Variants in MAF observed in about 807,000 individuals in gnomAD.
MAF encodes the protein transcription factor Maf.
Under a neutral mutation model 22.0 loss-of-function variants are expected in MAF, and 10 were observed. That is an observed-to-expected ratio of 0.45 (90% CI 0.28 to 0.77). The LOEUF is 0.77. Ranked by LOEUF, MAF falls within the 30% of genes least tolerant of loss-of-function variation. The probability of loss-of-function intolerance (pLI) is 0.12; values close to 1 mark genes in which losing one functional copy is unlikely to be tolerated. For synonymous variants in MAF, 337 were observed against 255.8 expected, an observed-to-expected ratio of 1.32 and a Z score of -3.03; for missense variants, 544 against 548.4, an observed-to-expected ratio of 0.99 and a Z score of 0.08.
At chr16:79,596,005 C>T (rs1255819514) in intron 1 of MAF, 1 of 1,060,154 alleles carries the variant, frequency 9.4e-7, no homozygotes, top group Non-Finnish European at 1.1e-6. Context: ...AAGAAAATCT[C>T]GGTGTGTAAG....
chr16:79,384,451 GAA>G, the MAF span, among the ~76,000 whole-genome samples: 5 of 109,806 alleles, frequency 4.6e-5, no homozygotes, highest in South Asian at 3.5e-4. Flanking sequence ...GTCTCAAAAA[GAA>G]AAAAAAAAAA....
the MAF span, among the ~76,000 whole-genome samples, chr16:79,456,332 G>T: frequency 6.6e-6 from 1 of 152,096 alleles, no homozygotes; most frequent in Non-Finnish European, 1.5e-5. Flanking sequence ...TATGGAAAAG[G>T]CCATTTATCT....
the MAF span, among the ~76,000 whole-genome samples, chr16:79,569,274 G>T: frequency 6.6e-6 from 1 of 152,120 alleles, no homozygotes; most frequent in South Asian, 2.1e-4. Context: ...GAGGCCAGTG[G>T]CCCCCCTGCC....
At chr16:79,461,852 G>T in the MAF span, among the ~76,000 whole-genome samples, 1 of 152,050 alleles carries the variant, frequency 6.6e-6, no homozygotes, top group Non-Finnish European at 1.5e-5. Context: ...TCATGAACTG[G>T]GTGACCTATG....
the MAF span, chr16:79,202,840 A>C: frequency 2.0e-5 from 3 of 152,218 alleles, no homozygotes; most frequent in Non-Finnish European, 4.4e-5. Flanking sequence ...AGGGGAAGAG[A>C]AAGGCAGCCT....
At chr16:79,435,563 G>C in the MAF span, among the ~76,000 whole-genome samples, 2 of 152,146 alleles carry the variant, frequency 1.3e-5, no homozygotes, top group African/African-American at 2.4e-5. Flanking sequence ...GTTTTCATCT[G>C]CATTTCCCAA....
chr16:79,524,159 A>T, the MAF span, among the ~76,000 whole-genome samples: 1 of 152,152 alleles, frequency 6.6e-6, no homozygotes, highest in African/African-American at 2.4e-5. Context: ...CCTCTTTGAT[A>T]AACCCTCTGA....
chr16:79,244,129 G>T, the MAF span, among the ~76,000 whole-genome samples: 1 of 151,988 alleles, frequency 6.6e-6, no homozygotes, highest in Admixed American at 6.6e-5. Context: ...GGCAAAAACT[G>T]GAAGCATGTC....
the MAF span, among the ~76,000 whole-genome samples, chr16:79,412,173 C>G: frequency 6.6e-6 from 1 of 152,154 alleles, no homozygotes; most frequent in African/African-American, 2.4e-5. Context: ...AGAAATAAAA[C>G]ATGCAAGTAC....
chr16:79,486,448 C>T, the MAF span, among the ~76,000 whole-genome samples: 1 of 151,930 alleles, frequency 6.6e-6, no homozygotes, highest in Non-Finnish European at 1.5e-5. Flanking sequence ...GTGTTTTTCA[C>T]ATCTAAAACA....
the MAF span, among the ~76,000 whole-genome samples, chr16:79,449,795 C>T: frequency 1.2e-4 from 19 of 152,276 alleles, no homozygotes; most frequent in African/African-American, 3.4e-4. Context: ...ATGATTTACC[C>T]AGAAAGTGCA....
chr16:79,384,449 A>C, the MAF span, among the ~76,000 whole-genome samples: 1 of 110,750 alleles, frequency 9.0e-6, no homozygotes, highest in Admixed American at 8.5e-5. Flanking sequence ...CTGTCTCAAA[A>C]AGAAAAAAAA....
the MAF span, among the ~76,000 whole-genome samples, chr16:79,553,850 A>T: frequency 9.2e-5 from 14 of 152,176 alleles, no homozygotes; most frequent in Non-Finnish European, 1.5e-4. Flanking sequence ...GCACTTTGGG[A>T]GGCCGAGGCG....
the MAF span, among the ~76,000 whole-genome samples, chr16:79,353,188 C>T: frequency 1.3e-5 from 2 of 151,686 alleles, no homozygotes; most frequent in Non-Finnish European, 2.9e-5. Flanking sequence ...GCTGCGCAAT[C>T]TCAGCTCACT....
At chr16:79,444,661 G>A in the MAF span, among the ~76,000 whole-genome samples, 1 of 152,222 alleles carries the variant, frequency 6.6e-6, no homozygotes, top group Non-Finnish European at 1.5e-5. Flanking sequence ...GAGAAATGCT[G>A]AGACAGAGGC....
At chr16:79,442,855 T>A in the MAF span, among the ~76,000 whole-genome samples, 1 of 152,070 alleles carries the variant, frequency 6.6e-6, no homozygotes, top group African/African-American at 2.4e-5. Flanking sequence ...ACCCAACAGA[T>A]CTGGGGAAAT....
chr16:79,436,000 G>A, the MAF span, among the ~76,000 whole-genome samples: 2 of 152,206 alleles, frequency 1.3e-5, no homozygotes, highest in Non-Finnish European at 2.9e-5. Flanking sequence ...TGCGGTTGGA[G>A]AAGATTTCAC....
At chr16:79,205,667 A>T in the MAF span, 3 of 152,348 alleles carry the variant, frequency 2.0e-5, no homozygotes, top group East Asian at 5.8e-4. Flanking sequence ...CAAAACTCCC[A>T]AAGGTTTATG....
chr16:79,375,947 G>A, the MAF span, among the ~76,000 whole-genome samples: 3 of 152,170 alleles, frequency 2.0e-5, no homozygotes, highest in Non-Finnish European at 4.4e-5. Context: ...AGATCTGGGT[G>A]AGGAGAAATG....
Sources: gnomAD v4.1 joint callset for allele counts (sites outside exome capture counted in the v4.1 genomes callset) on GRCh38, gnomAD v4.1.1 for gene constraint, MANE v1.5 for transcripts, NCBI Gene and HGNC (gene_info 2026-07-23, HGNC 2026-07-21) for gene names.